Variants in GNAQ observed in about 807,000 individuals in gnomAD.
The protein encoded by GNAQ is guanine nucleotide-binding protein G(q) subunit alpha.
Under a neutral mutation model 43.9 loss-of-function variants are expected in GNAQ, and 8 were observed. That is an observed-to-expected ratio of 0.18 (90% CI 0.11 to 0.33). The LOEUF is 0.33. Among genes scored for constraint, GNAQ ranks in the 10% least tolerant of loss-of-function variants. The probability of loss-of-function intolerance (pLI) is 1.00; values close to 1 mark genes in which losing one functional copy is unlikely to be tolerated. For synonymous variants in GNAQ, 155 were observed against 170.7 expected (o/e 0.91, Z 0.71); for missense variants, 158 against 450.8 (o/e 0.35, Z 5.88).
chr9:77,955,003 C>A (rs1823025340), intron 1 of GNAQ, among the ~76,000 whole-genome samples: 1 of 152,190 alleles, frequency 6.6e-6, no homozygotes, highest in South Asian at 2.1e-4. Flanking sequence ...TGCATAACCA[C>A]CGAATAGTAA....
intron 2 of GNAQ, among the ~76,000 whole-genome samples, chr9:77,909,069 A>G (rs1451518313): frequency 2.0e-5 from 3 of 152,148 alleles, no homozygotes; most frequent in Non-Finnish European, 4.4e-5. Flanking sequence ...TCTGGCAAAA[A>G]GAGAGTGCTG....
chr9:77,732,605 A>T (rs937082491), intron 5 of GNAQ, among the ~76,000 whole-genome samples: 1 of 152,124 alleles, frequency 6.6e-6, no homozygotes, highest in African/African-American at 2.4e-5. Flanking sequence ...ACCTCAAGTG[A>T]TCTGCCTGCC....
At chr9:77,893,309 T>C (rs1828434002) in intron 2 of GNAQ, among the ~76,000 whole-genome samples, 1 of 152,188 alleles carries the variant, frequency 6.6e-6, no homozygotes, top group Non-Finnish European at 1.5e-5. Flanking sequence ...GTCATCCTCA[T>C]TGCTCAATTA....
At chr9:77,864,168 CTTTTTTT>C (rs113840423) in intron 2 of GNAQ, among the ~76,000 whole-genome samples, 6 of 131,390 alleles carry the variant, frequency 4.6e-5, no homozygotes, top group South Asian at 2.5e-4. Context: ...AGGTGCCAGG[CTTTTTTT>C]TTTTTTTTTT....
intron 1 of GNAQ, among the ~76,000 whole-genome samples, chr9:77,948,464 C>T (rs761869985): frequency 1.3e-5 from 2 of 151,970 alleles, no homozygotes; most frequent in South Asian, 2.1e-4. Flanking sequence ...ACTCAGAAAG[C>T]GGGGGACCTA....
chr9:77,905,293 C>T (rs1029770528), intron 2 of GNAQ, among the ~76,000 whole-genome samples: 2 of 152,130 alleles, frequency 1.3e-5, no homozygotes, highest in African/African-American at 2.4e-5. Flanking sequence ...TACAAAACCA[C>T]GCCTATGAGT....
At chr9:78,012,493 C>T (rs889665549) in intron 1 of GNAQ, among the ~76,000 whole-genome samples, 1 of 152,044 alleles carries the variant, frequency 6.6e-6, no homozygotes, top group Non-Finnish European at 1.5e-5. Flanking sequence ...AGGTGTAAAC[C>T]ACCTCACCTG....
At chr9:77,837,087 G>A (rs1268725077) in intron 2 of GNAQ, among the ~76,000 whole-genome samples, 3 of 151,688 alleles carry the variant, frequency 2.0e-5, no homozygotes, top group Non-Finnish European at 4.4e-5. Context: ...TCTTCTTCAG[G>A]GTCTCCTGAA....
At chr9:77,998,350 T>TG (rs1340360739) in intron 1 of GNAQ, among the ~76,000 whole-genome samples, 1 of 152,228 alleles carries the variant, frequency 6.6e-6, no homozygotes, top group East Asian at 1.9e-4. Flanking sequence ...AGATTTGAAG[T>TG]GAGAATATGG....
At chr9:77,997,949 G>C (rs187166016) in intron 1 of GNAQ, among the ~76,000 whole-genome samples, 143 of 152,290 alleles carry the variant, frequency 9.4e-4, no homozygotes, top group African/African-American at 3.4e-3. Context: ...AGGAGCTGGC[G>C]GAAAGAACTG....
In GNAQ at chr9:77,894,764, G is replaced by A. The variant is rs773041358; in HGVS notation, c.321+27397C>T. ...AGGGATTTGCTTGTGATAAAATGGT[G>A]AGAATAAATATTATTGTTTTCATTG... On this transcript the variant is annotated intron_variant, in intron 2 of 6. Transcript: ENST00000286548. Among the ~76,000 whole-genome samples, 44 of 151,858 alleles carry A rather than the reference G, an allele frequency of 2.9e-4. 1 individual carries two copies. The highest frequency in any genetic ancestry group is 2.4e-4 in the Non-Finnish European group (16 of 67,978).
chr9:78,025,005 T>C (rs191434550), intron 1 of GNAQ, among the ~76,000 whole-genome samples: 185 of 152,344 alleles, frequency 1.2e-3, no homozygotes, highest in African/African-American at 4.2e-3. Context: ...TATGGCTATG[T>C]ATAAAGGTTA....
intron 2 of GNAQ, among the ~76,000 whole-genome samples, chr9:77,901,281 T>C (rs1458046608): frequency 6.6e-6 from 1 of 152,156 alleles, no homozygotes; most frequent in African/African-American, 2.4e-5. Flanking sequence ...TTAGAATCAA[T>C]CTCCAGGATG....
chr9:77,837,061 TATG>T (rs1344299496), intron 2 of GNAQ, among the ~76,000 whole-genome samples: 1 of 152,214 alleles, frequency 6.6e-6, no homozygotes, highest in Non-Finnish European at 1.5e-5. Flanking sequence ...TAAATGGACA[TATG>T]AAATTCAGTG....
chr9:77,978,269 T>C (rs1175352531), intron 1 of GNAQ, among the ~76,000 whole-genome samples: 4 of 152,200 alleles, frequency 2.6e-5, no homozygotes, highest in African/African-American at 9.6e-5. Flanking sequence ...ATCTAACTCA[T>C]TCACACTTAC....
intron 2 of GNAQ, among the ~76,000 whole-genome samples, chr9:77,856,438 TG>T (rs1827756014): frequency 2.0e-5 from 3 of 152,188 alleles, no homozygotes; most frequent in Non-Finnish European, 4.4e-5. Flanking sequence ...CTATTACACA[TG>T]GATTAACTCA....
At chr9:77,789,363 AG>A (rs1419178477) in intron 5 of GNAQ, among the ~76,000 whole-genome samples, 1 of 152,220 alleles carries the variant, frequency 6.6e-6, no homozygotes, top group Non-Finnish European at 1.5e-5. Context: ...CATATACAAA[AG>A]GCTCACATCC....
chr9:77,995,037 T>C (rs551689404), intron 1 of GNAQ, among the ~76,000 whole-genome samples: 1 of 152,230 alleles, frequency 6.6e-6, no homozygotes, highest in Non-Finnish European at 1.5e-5. Flanking sequence ...ATATGGGCTA[T>C]GTGTGCTATA....
intron 2 of GNAQ, among the ~76,000 whole-genome samples, chr9:77,911,011 A>T (rs940396021): frequency 6.6e-6 from 1 of 152,238 alleles, no homozygotes; most frequent in Admixed American, 6.5e-5. Flanking sequence ...GAGTAGAACC[A>T]TATGTCAAAT....
Sources: gnomAD v4.1 joint callset for allele counts (sites outside exome capture counted in the v4.1 genomes callset) on GRCh38, gnomAD v4.1.1 for gene constraint, MANE v1.5 for transcripts, NCBI Gene and HGNC (gene_info 2026-07-23, HGNC 2026-07-21) for gene names.